Variants in HERC5 observed in about 807,000 individuals in gnomAD.
HERC5 encodes the protein HECT and RLD domain containing E3 ubiquitin protein ligase 5, also known as E3 ISG15--protein ligase HERC5.
HERC5 carries 99 observed loss-of-function variants against 119.6 expected under a neutral mutation model. The observed-to-expected ratio is 0.83, with a 90% CI of 0.70 to 0.98. The LOEUF is 0.98. HERC5 is among the 50% of genes least tolerant of loss of function. HERC5 has a pLI of 0.00. For missense variants in HERC5, 1,267 were observed against 1,241.3 expected (o/e 1.02, Z -0.31); for synonymous variants, 478 against 445.9 (o/e 1.07, Z -0.91).
At chr4:88,480,404 A>G (rs1469489199) in intron 13 of HERC5, among the ~76,000 whole-genome samples, 1 of 149,700 alleles carries the variant, frequency 6.7e-6, no homozygotes, top group Admixed American at 6.7e-5. Context: ...ATCCATTCCA[A>G]TATTGACAGA....
intron 7 of HERC5, among the ~76,000 whole-genome samples, chr4:88,468,111 T>C (rs1442681667): frequency 6.6e-6 from 1 of 152,170 alleles, no homozygotes; most frequent in Non-Finnish European, 1.5e-5. Context: ...ATTTGTATTA[T>C]GTATATTAAA....
chr4:88,457,662 G>A, intron 1 of HERC5, 128 bp downstream of exon 1: 1 of 1,047,500 alleles, frequency 9.5e-7, no homozygotes, highest in African/African-American at 1.6e-5. Context: ...CGCGCGCCTG[G>A]CTCGGATAGT....
intron 14 of HERC5, among the ~76,000 whole-genome samples, chr4:88,486,744 G>A (rs891632635): frequency 6.6e-6 from 1 of 152,178 alleles, no homozygotes; most frequent in East Asian, 1.9e-4. Flanking sequence ...AGCTACCCAT[G>A]TTATATCATT....
At position 88,470,800 on chromosome 4, in the gene HERC5, T is replaced by C. The variant is rs529210575; in HGVS notation, c.1298+127T>C. On this transcript the variant is annotated intron_variant, in intron 10 of 22. Transcript: ENST00000264350. ...TTTTAAAAATTTTTTTTAACAAAAG[T>C]AAATATATGTTTGCTGTAGAAAATG... 74 of 449,620 alleles carry C rather than the reference T, an allele frequency of 1.6e-4. 2 individuals are homozygous for C. In the South Asian group the frequency reaches 2.8e-3, roughly 17 times the overall value. The allele number at this position is 449,620 out of a possible 1,614,324, so 27.9% of individuals were successfully genotyped here.
intron 11 of HERC5, among the ~76,000 whole-genome samples, chr4:88,475,392 C>A (rs1003797925): frequency 6.9e-6 from 1 of 144,696 alleles, no homozygotes; most frequent in Admixed American, 7.1e-5. Context: ...AATCTCGGCT[C>A]ACTGCAACCT....
intron 13 of HERC5, among the ~76,000 whole-genome samples, chr4:88,485,371 C>A (rs1283972732): frequency 6.6e-6 from 1 of 152,162 alleles, no homozygotes; most frequent in Non-Finnish European, 1.5e-5. Flanking sequence ...AGGCCAAGAT[C>A]ATCAGATCCA....
At position 88,457,444 on chromosome 4, in the gene HERC5, T is replaced by C; in HGVS notation, c.175T>C (p.Ser59Pro). 1.5e-6 allele frequency: 2 copies of C among 1,350,190 alleles called. No homozygotes were observed. The highest frequency in any genetic ancestry group is 1.9e-6 in the Non-Finnish European group (2 of 1,054,544). 83.6% of individuals were successfully genotyped at this position (1,350,190 alleles called of 1,614,324 possible). The change falls in exon 1 of 23, where the codon TCG becomes CCG. Residue 59 changes from serine to proline, a missense_variant. Physicochemically the swap from Ser to Pro is moderately conservative, Grantham distance 74. Transcript: ENST00000264350. ...GGAGGTGACGCGCCAACTCTGCTGC[T>C]CGCCGGGGCGCCTCGCGGTCTTGGA... ...RVEVTRQLCC[S>P]PGRLAVLERG...
chr4:88,494,860 T>G (rs1452115431), intron 18 of HERC5, among the ~76,000 whole-genome samples: 1 of 152,242 alleles, frequency 6.6e-6, no homozygotes, highest in African/African-American at 2.4e-5. Context: ...ATCTCACCAG[T>G]GCTCATAGAA....
chr4:88,496,417 TAGTC>T (rs1208088562), intron 18 of HERC5, among the ~76,000 whole-genome samples: 2 of 152,232 alleles, frequency 1.3e-5, no homozygotes, highest in Non-Finnish European at 2.9e-5. Flanking sequence ...AAAGCTGTAT[TAGTC>T]AGGACAGTAT....
intron 17 of HERC5, 36 bp downstream of exon 17, chr4:88,493,191 A>G (rs759448631): frequency 6.2e-7 from 1 of 1,606,334 alleles, no homozygotes; most frequent in African/African-American, 1.3e-5. Flanking sequence ...GTATTTTGCG[A>G]CAGAAAAAGT....
chr4:88,459,257 C>A, intron 1 of HERC5, 90 bp from the exon 2 acceptor site: 1 of 1,126,884 alleles, frequency 8.9e-7, no homozygotes, highest in Non-Finnish European at 1.2e-6. Context: ...GAAATTTTTC[C>A]CAGATGTTTT....
chr4:88,500,498 A>G (rs1741917276), intron 19 of HERC5, among the ~76,000 whole-genome samples: 3 of 152,364 alleles, frequency 2.0e-5, no homozygotes, highest in East Asian at 1.9e-4. Context: ...AGTACCTCAC[A>G]TGGCCATGCC....
chr4:88,489,562 C>T (rs921539534), intron 16 of HERC5, among the ~76,000 whole-genome samples: 5 of 152,242 alleles, frequency 3.3e-5, no homozygotes, highest in South Asian at 2.1e-4. Context: ...TTGTTCTCCC[C>T]ACACCCTGCT....
At chr4:88,499,172 G>A (rs1464360987) in intron 18 of HERC5, among the ~76,000 whole-genome samples, 1 of 152,146 alleles carries the variant, frequency 6.6e-6, no homozygotes, top group African/African-American at 2.4e-5. Flanking sequence ...CTGTATTGTA[G>A]GTGAGACTCC....
chr4:88,459,272 G>A, intron 1 of HERC5, 75 bp from the exon 2 acceptor site: 1 of 1,221,714 alleles, frequency 8.2e-7, no homozygotes, highest in Non-Finnish European at 1.1e-6. Context: ...TGTTTTAAGT[G>A]TATTATAATG....
intron 12 of HERC5, among the ~76,000 whole-genome samples, chr4:88,477,719 C>G (rs552507176): frequency 6.6e-6 from 1 of 152,066 alleles, no homozygotes; most frequent in Admixed American, 6.5e-5. Context: ...TCCAGTACAC[C>G]GCAAGTAAGT....
At chr4:88,461,269 C>T (rs962870679) in intron 3 of HERC5, among the ~76,000 whole-genome samples, 5 of 152,012 alleles carry the variant, frequency 3.3e-5, no homozygotes, top group Admixed American at 6.5e-5. Flanking sequence ...CTACTGTGTT[C>T]GGATTATGAA....
At chr4:88,463,748 G>T in intron 5 of HERC5, 107 bp from the exon 6 acceptor site, 2 of 1,409,784 alleles carry the variant, frequency 1.4e-6, no homozygotes, top group Non-Finnish European at 2.0e-6. Context: ...TGATATTTAG[G>T]AGCTTTACTT....
chr4:88,485,917 A>G (rs929318647), intron 13 of HERC5, among the ~76,000 whole-genome samples, 198 bp from the exon 14 acceptor site: 1 of 152,014 alleles, frequency 6.6e-6, no homozygotes, highest in East Asian at 1.9e-4. Flanking sequence ...TACATCATCA[A>G]TCTCTACTCT....
Sources: allele counts gnomAD v4.1 joint callset (sites outside exome capture counted in the v4.1 genomes callset), GRCh38; gene constraint gnomAD v4.1.1; transcripts MANE v1.5; gene names NCBI Gene and HGNC (gene_info 2026-07-23, HGNC 2026-07-21).